The following EPHB1 variants were observed in gnomAD, a reference collection of about 807,000 sequenced individuals.
EPHB1 encodes the protein EPH receptor B1.
EPHB1 carries 30 observed loss-of-function variants against 94.4 expected under a neutral mutation model. That is an observed-to-expected ratio of 0.32 (90% confidence interval 0.24 to 0.43). The LOEUF (loss-of-function observed/expected upper bound fraction) is 0.43, where lower values mean the gene tolerates loss of function less well. Ranked by LOEUF, EPHB1 falls within the 20% of genes least tolerant of loss-of-function variation. The pLI, the probability that EPHB1 is intolerant of heterozygous loss-of-function variation, is 1.00. For missense variants in EPHB1, 1,055 were observed against 1,308.3 expected (o/e 0.81, Z 2.99); for synonymous variants, 522 against 489.1 (o/e 1.07, Z -0.89).
At chr3:135,135,898 A>T (rs564443047) in intron 5 of EPHB1, among the ~76,000 whole-genome samples, 10 of 152,336 alleles carry the variant, frequency 6.6e-5, no homozygotes, top group African/African-American at 1.9e-4. Context: ...AATAATTATT[A>T]TAGTTAACAC....
intron 1 of EPHB1, among the ~76,000 whole-genome samples, chr3:134,849,089 T>C (rs1560261454): frequency 6.6e-6 from 1 of 152,218 alleles, no homozygotes; most frequent in Non-Finnish European, 1.5e-5. Flanking sequence ...GCAGTGGTTC[T>C]CAAAGTGTGG....
At chr3:135,254,633 T>C (rs962553216) in intron 15 of EPHB1, among the ~76,000 whole-genome samples, 5 of 152,180 alleles carry the variant, frequency 3.3e-5, no homozygotes, top group African/African-American at 1.2e-4. Context: ...TTATTGAAGA[T>C]TTTAGCATCA....
At chr3:135,108,078 C>G (rs1343761181) in intron 4 of EPHB1, among the ~76,000 whole-genome samples, 1 of 152,100 alleles carries the variant, frequency 6.6e-6, no homozygotes, top group African/African-American at 2.4e-5. Context: ...AAGTATACGC[C>G]CAGGGACTCA....
intron 3 of EPHB1, among the ~76,000 whole-genome samples, chr3:135,085,686 C>A (rs775360291): frequency 2.6e-5 from 4 of 152,220 alleles, no homozygotes; most frequent in Non-Finnish European, 5.9e-5. Context: ...TCAGCACACA[C>A]AAAGCTCACA....
At chr3:135,022,495 G>A (rs940160190) in intron 3 of EPHB1, among the ~76,000 whole-genome samples, 4 of 152,068 alleles carry the variant, frequency 2.6e-5, no homozygotes, top group South Asian at 2.1e-4. Flanking sequence ...AACACTACTC[G>A]GTCTTGGAAT....
rs577611398 is a variant in EPHB1, at chr3:135,154,149, C to T, written c.1298-3C>T. ...GCTACCCTGTTTCTTTCTCTCTCCA[C>T]AGCCCCCTCCACCGTTCCCATCATG... On this transcript the variant is annotated splice_region_variant and splice_polypyrimidine_tract_variant and intron_variant, in intron 5 of 15. Coordinates refer to ENST00000398015, the MANE Select transcript of EPHB1 (RefSeq NM_004441.5). 7.6e-5 allele frequency: 122 copies of T among 1,613,966 alleles called. 2 individuals are homozygous for T. The South Asian group carries it at 1.3e-3, about 17-fold the overall frequency.
intron 4 of EPHB1, 29 bp downstream of exon 4, chr3:135,106,632 G>A: frequency 7.5e-6 from 12 of 1,610,062 alleles, no homozygotes; most frequent in Non-Finnish European, 1.0e-5. Context: ...CTCTGGGCTG[G>A]GGAGTTTGGT....
intron 11 of EPHB1, among the ~76,000 whole-genome samples, chr3:135,193,491 A>G (rs1040960320): frequency 1.5e-4 from 23 of 152,176 alleles, no homozygotes; most frequent in African/African-American, 5.5e-4. Flanking sequence ...GTAGGGTATC[A>G]CTGAGCACCT....
intron 15 of EPHB1, among the ~76,000 whole-genome samples, chr3:135,254,610 G>T (rs951142597): frequency 5.3e-5 from 8 of 152,266 alleles, no homozygotes; most frequent in Middle Eastern, 3.4e-3. Context: ...GCTGGATTCG[G>T]TTTGCCAGTA....
At chr3:135,064,513 T>A (rs1401805205) in intron 3 of EPHB1, among the ~76,000 whole-genome samples, 2 of 152,094 alleles carry the variant, frequency 1.3e-5, no homozygotes, top group African/African-American at 4.8e-5. Context: ...CCTCAAATGA[T>A]CTTTTGTATT....
At chr3:134,797,830 G>A (rs1473863378) in intron 1 of EPHB1, among the ~76,000 whole-genome samples, 1 of 152,124 alleles carries the variant, frequency 6.6e-6, no homozygotes, top group Admixed American at 6.5e-5. Flanking sequence ...CTCCAGCAAG[G>A]GTTAAAAGAA....
chr3:135,153,110 C>G (rs1285289362), intron 5 of EPHB1, among the ~76,000 whole-genome samples: 1 of 152,134 alleles, frequency 6.6e-6, no homozygotes, highest in African/African-American at 2.4e-5. Flanking sequence ...ACCTTGTGAC[C>G]CCGTAGTTGT....
chr3:134,825,192 G>A (rs991405868), intron 1 of EPHB1, among the ~76,000 whole-genome samples: 1 of 152,226 alleles, frequency 6.6e-6, no homozygotes. Context: ...GAAGGGGATG[G>A]CCAGTGCAGG....
chr3:135,077,584 G>A (rs543792702), intron 3 of EPHB1, among the ~76,000 whole-genome samples: 7 of 152,338 alleles, frequency 4.6e-5, no homozygotes, highest in East Asian at 3.9e-4. Context: ...GGAGGAAGAC[G>A]TGGTAGAAGC....
chr3:135,048,933 G>A (rs1937088678), intron 3 of EPHB1, among the ~76,000 whole-genome samples: 1 of 152,200 alleles, frequency 6.6e-6, no homozygotes, highest in African/African-American at 2.4e-5. Context: ...TGTGTGTGAG[G>A]ATCTGTAGAG....
chr3:135,012,065 T>C (rs950090041), intron 3 of EPHB1, among the ~76,000 whole-genome samples: 2 of 152,178 alleles, frequency 1.3e-5, no homozygotes, highest in African/African-American at 4.8e-5. Context: ...ATATACGTAA[T>C]GAGGGACCAC....
chr3:135,012,459 T>C (rs998453959), intron 3 of EPHB1, among the ~76,000 whole-genome samples: 1 of 152,244 alleles, frequency 6.6e-6, no homozygotes, highest in Non-Finnish European at 1.5e-5. Context: ...TGCCTTGTTC[T>C]GGAATGTTCA....
chr3:135,164,491 A>T (rs1345184193), intron 7 of EPHB1, among the ~76,000 whole-genome samples: 1 of 152,196 alleles, frequency 6.6e-6, no homozygotes, highest in Non-Finnish European at 1.5e-5. Flanking sequence ...GGTAATTCTG[A>T]TAGCTCATGG....
At chr3:135,052,036 T>A (rs568042927) in intron 3 of EPHB1, among the ~76,000 whole-genome samples, 122 of 152,336 alleles carry the variant, frequency 8.0e-4, no homozygotes, top group African/African-American at 2.9e-3. Flanking sequence ...GGTAACCCAA[T>A]AATGTAACAC....
Sources: allele counts gnomAD v4.1 joint callset (sites outside exome capture counted in the v4.1 genomes callset), GRCh38; gene constraint gnomAD v4.1.1; transcripts MANE v1.5; gene names NCBI Gene and HGNC (gene_info 2026-07-23, HGNC 2026-07-21).